The following IQGAP2 variants were observed in gnomAD, a reference collection of about 807,000 sequenced individuals.
IQGAP2 encodes the protein ras GTPase-activating-like protein IQGAP2.
A neutral mutation model predicts 201.3 loss-of-function variants in IQGAP2; 173 were observed. The observed-to-expected ratio is 0.86, with a 90% CI of 0.76 to 0.98. The LOEUF is 0.98. IQGAP2 is among the 50% of genes least tolerant of loss of function. IQGAP2 has a pLI of 0.00. For missense variants in IQGAP2, 1,687 were observed against 1,864.8 expected, an observed-to-expected ratio of 0.90 and a Z score of 1.76; for synonymous variants, 675 against 673.9, an observed-to-expected ratio of 1.00 and a Z score of -0.03.
intron 2 of IQGAP2, chr5:76,510,760 C>G: frequency 2.1e-6 from 1 of 482,020 alleles, no homozygotes; most frequent in South Asian, 1.6e-5. Flanking sequence ...CCACACCAGA[C>G]TTGCAGTAAC....
intron 17 of IQGAP2, among the ~76,000 whole-genome samples, chr5:76,652,187 A>G (rs1301784162): frequency 1.3e-5 from 2 of 152,208 alleles, no homozygotes; most frequent in Non-Finnish European, 2.9e-5. Context: ...AGGTAAAGCT[A>G]TGTTGATGAA....
chr5:76,658,586 G>C lies in IQGAP2; in HGVS notation c.2448G>C (p.Arg816Ser), dbSNP rs1407339122. 6.2e-7 allele frequency: 1 copy of C among 1,613,876 alleles called. No individual in the cohort carries two copies. Among genetic ancestry groups the C allele is most frequent in the Admixed American group, 1.7e-5 (1 of 59,990 alleles). ...RLREEVVTKIRANQQLEKDLN... is the reference protein window; with the variant it reads ...RLREEVVTKISANQQLEKDLN... ...GGGAAGAAGTAGTGACCAAGATCAG[G>C]GCCAATCAACAGCTGGAAAAAGACC... Residue 816 changes from arginine to serine, a missense_variant, in exon 21 of 36, where the codon AGG becomes AGC. Physicochemically the swap from Arg to Ser is moderately radical, Grantham distance 110. Transcript: ENST00000274364.
chr5:76,680,794 T>TAA lies in IQGAP2; in HGVS notation c.3661-2298_3661-2297dup, dbSNP rs755958579. On this transcript the variant is annotated intron_variant, in intron 28 of 35. Transcript: ENST00000274364. ...TGACAGAGTCAGACCTTGTCTCATTTAAAAAAAAAAAAAAAAAAAAAAAAT... is the reference window on the plus strand; with the variant it reads ...TGACAGAGTCAGACCTTGTCTCATTTAAAAAAAAAAAAAAAAAAAAAAAAAAT... Among the ~76,000 whole-genome samples, 1,148 of 115,480 alleles carry TAA rather than the reference T, an allele frequency of 9.9e-3. 22 individuals carry two copies. Among genetic ancestry groups the TAA allele is most frequent in the African/African-American group, 0.036 (1,076 of 30,148 alleles). The allele number at this position is 115,480 out of a possible 152,430, so 75.8% of individuals were successfully genotyped here.
intron 2 of IQGAP2, among the ~76,000 whole-genome samples, chr5:76,487,708 G>A (rs758938070): frequency 7.2e-5 from 11 of 152,090 alleles, no homozygotes; most frequent in African/African-American, 1.2e-4. Context: ...TGGGGGGCAG[G>A]GTCTTTTCCT....
chr5:76,458,296 G>A (rs945976166), intron 1 of IQGAP2, among the ~76,000 whole-genome samples: 14 of 152,158 alleles, frequency 9.2e-5, no homozygotes, highest in African/African-American at 3.1e-4. Flanking sequence ...ATATGGAAAC[G>A]TCCTTTATAG....
chr5:76,412,099 T>A (rs1234398834), intron 1 of IQGAP2, among the ~76,000 whole-genome samples: 1 of 152,204 alleles, frequency 6.6e-6, no homozygotes, highest in Non-Finnish European at 1.5e-5. Context: ...CTGTTGAATA[T>A]GTTAGCAGAG....
At chr5:76,404,062 G>C (rs1750657370) in intron 1 of IQGAP2, among the ~76,000 whole-genome samples, 1 of 152,206 alleles carries the variant, frequency 6.6e-6, no homozygotes, top group African/African-American at 2.4e-5. Context: ...GTGCAAAGCC[G>C]GCTTGACTGG....
At chr5:76,663,358 G>A (rs529383452) in intron 21 of IQGAP2, among the ~76,000 whole-genome samples, 1 of 152,244 alleles carries the variant, frequency 6.6e-6, no homozygotes, top group South Asian at 2.1e-4. Flanking sequence ...CCAGCTAAGA[G>A]CTCAGTCAAA....
chr5:76,441,239 T>A (rs1753015815), intron 1 of IQGAP2, among the ~76,000 whole-genome samples: 1 of 152,180 alleles, frequency 6.6e-6, no homozygotes, highest in African/African-American at 2.4e-5. Context: ...CTAGCACAAC[T>A]GTAAGTGTTC....
intron 30 of IQGAP2, among the ~76,000 whole-genome samples, chr5:76,685,719 A>AACACTATCC (rs1318162532): frequency 2.0e-5 from 3 of 152,178 alleles, no homozygotes; most frequent in Non-Finnish European, 4.4e-5. Flanking sequence ...GTTGGAAACA[A>AACACTATCC]ACACTATCCA....
chr5:76,548,793 G>C (rs1743255345), intron 2 of IQGAP2, among the ~76,000 whole-genome samples: 1 of 152,180 alleles, frequency 6.6e-6, no homozygotes, highest in Non-Finnish European at 1.5e-5. Context: ...ATTATCAGTA[G>C]AGTGGGAGTC....
chr5:76,578,007 C>G (rs1032990968), intron 5 of IQGAP2, among the ~76,000 whole-genome samples: 1 of 152,164 alleles, frequency 6.6e-6, no homozygotes, highest in Non-Finnish European at 1.5e-5. Flanking sequence ...CTGACTTGAT[C>G]TAAAAAGTTA....
chr5:76,499,671 A>G (rs766919711), intron 2 of IQGAP2, among the ~76,000 whole-genome samples: 3 of 152,342 alleles, frequency 2.0e-5, no homozygotes, highest in Non-Finnish European at 4.4e-5. Flanking sequence ...CAAAATGGTT[A>G]GTCGGCCTAC....
chr5:76,635,801 C>T (rs1004294891), intron 15 of IQGAP2, among the ~76,000 whole-genome samples: 4 of 151,600 alleles, frequency 2.6e-5, no homozygotes, highest in Middle Eastern at 3.4e-3. Flanking sequence ...TGTTCTCCAG[C>T]CTGGGTGACA....
At chr5:76,644,655 A>G (rs895026838) in intron 17 of IQGAP2, among the ~76,000 whole-genome samples, 13 of 152,124 alleles carry the variant, frequency 8.5e-5, no homozygotes, top group Non-Finnish European at 1.8e-4. Flanking sequence ...CTGTATACCC[A>G]TATTTGCTTA....
At chr5:76,651,281 T>C (rs1752496196) in intron 17 of IQGAP2, among the ~76,000 whole-genome samples, 1 of 152,226 alleles carries the variant, frequency 6.6e-6, no homozygotes, top group South Asian at 2.1e-4. Context: ...TATGCCTTCT[T>C]ATTTTCTAGC....
intron 30 of IQGAP2, among the ~76,000 whole-genome samples, chr5:76,687,746 C>G (rs1227849321): frequency 1.3e-5 from 2 of 152,088 alleles, no homozygotes; most frequent in Non-Finnish European, 2.9e-5. Context: ...GAATCTAATG[C>G]CTGATGATCA....
In IQGAP2 at chr5:76,665,031, A is replaced by G. The variant is rs144641342; in HGVS notation, c.2535A>G (p.Val845=). 44 of 1,536,306 alleles carry G rather than the reference A, an allele frequency of 2.9e-5. No individual in the cohort carries two copies. Among genetic ancestry groups the G allele is most frequent in the Non-Finnish European group, 3.6e-5 (40 of 1,112,722 alleles). The change falls in exon 22 of 36, where the codon GTA becomes GTG. Residue 845 remains valine, a synonymous_variant. Transcript: ENST00000274364. ...TCTCATCAAATTTTTTACAGGATGTAATTTCACATAGTAAAAAGCTGAACA... is the reference window on the plus strand; with the variant it reads ...TCTCATCAAATTTTTTACAGGATGTGATTTCACATAGTAAAAAGCTGAACA... The part of the protein sequence containing the change: ...LVKNRITLED[V]ISHSKKLNKK...
chr5:76,508,811 C>T (rs1411532686), intron 2 of IQGAP2, among the ~76,000 whole-genome samples: 3 of 151,906 alleles, frequency 2.0e-5, no homozygotes, highest in Non-Finnish European at 2.9e-5. Flanking sequence ...CTAAAAGCTT[C>T]CAGCATGCTC....
Sources: allele counts gnomAD v4.1 joint callset (sites outside exome capture counted in the v4.1 genomes callset), GRCh38; gene constraint gnomAD v4.1.1; transcripts MANE v1.5; gene names NCBI Gene and HGNC (gene_info 2026-07-23, HGNC 2026-07-21).